The following PIEZO2 variants were observed in gnomAD, a reference collection of about 807,000 sequenced individuals.
The protein encoded by PIEZO2 is piezo type mechanosensitive ion channel component 2, also known as piezo-type mechanosensitive ion channel component 2.
PIEZO2 carries 172 observed loss-of-function variants against 337.3 expected under a neutral mutation model. The ratio of observed to expected loss-of-function variants is 0.51; its 90% CI spans 0.45 to 0.58. PIEZO2 has a LOEUF of 0.58. PIEZO2 is among the 20% of genes least tolerant of loss of function. PIEZO2 has a pLI of 0.00. For synonymous variants in PIEZO2, 1,251 were observed against 1,228.5 expected, an observed-to-expected ratio of 1.02 and a Z score of -0.38; for missense variants, 3,028 against 3,391.3, an observed-to-expected ratio of 0.89 and a Z score of 2.66.
chr18:10,769,993 C>G, intron 21 of PIEZO2, 155 bp downstream of exon 21: 1 of 754,560 alleles, frequency 1.3e-6, no homozygotes, highest in Non-Finnish European at 2.0e-6. Context: ...TGCTGCTGAC[C>G]CTCGGATTTC....
At chr18:10,702,251 A>G (rs988916834) in intron 42 of PIEZO2, 80 bp from the exon 43 acceptor site, 1 of 1,347,754 alleles carries the variant, frequency 7.4e-7, no homozygotes, top group Non-Finnish European at 9.9e-7. Flanking sequence ...GAGCAATATA[A>G]CAATTAAGAA....
Position 11,035,338 on chromosome 18 carries a change from TCTCTCTCTCATTCC to T in PIEZO2, c.160+30775_160+30788del, listed in dbSNP as rs2036893252. Among the ~76,000 whole-genome samples, 1 of 136,886 alleles carries T rather than the reference TCTCTCTCTCATTCC, an allele frequency of 7.3e-6. No individual in the cohort carries two copies. Among genetic ancestry groups the T allele is most frequent in the African/African-American group, 2.9e-5 (1 of 35,050 alleles). 89.8% of individuals were successfully genotyped at this position (136,886 alleles called of 152,430 possible). A position where few individuals can be genotyped will look rare whatever the true frequency, so the allele number is the denominator to read the frequency against. On this transcript the variant is annotated intron_variant, in intron 2 of 55. Transcript: ENST00000674853. The surrounding 1 kb of genome is among the most constrained non-coding windows in gnomAD (Gnocchi z 4.3). ...CCCTCTCTCTCTCTCTCTCTCTTTC[TCTCTCTCTCATTCC>T]CTCTCTCACCATGCAACAGGCTTGC...
intron 1 of PIEZO2, among the ~76,000 whole-genome samples, chr18:11,067,116 T>C (rs2038179786): frequency 6.6e-6 from 1 of 151,900 alleles, no homozygotes; most frequent in Non-Finnish European, 1.5e-5. Flanking sequence ...ATGAAAAAAC[T>C]GAAGTACAAA....
chr18:11,057,858 G>A (rs2037787363), intron 2 of PIEZO2, among the ~76,000 whole-genome samples: 1 of 152,208 alleles, frequency 6.6e-6, no homozygotes, highest in Admixed American at 6.5e-5. Flanking sequence ...TTCACATTTT[G>A]TCATATATCT....
chr18:11,037,457 A>G (rs560126227), intron 2 of PIEZO2, among the ~76,000 whole-genome samples: 1 of 152,342 alleles, frequency 6.6e-6, no homozygotes, highest in South Asian at 2.1e-4. Flanking sequence ...AATAAATTGG[A>G]AGAAAAATAC....
At chr18:10,785,242 C>T (rs2039177022) in intron 16 of PIEZO2, among the ~76,000 whole-genome samples, 1 of 152,096 alleles carries the variant, frequency 6.6e-6, no homozygotes, top group South Asian at 2.1e-4. Context: ...GTCTTGACAC[C>T]ATCACACTCT....
chr18:10,776,122 T>C (rs1169155250), intron 18 of PIEZO2, among the ~76,000 whole-genome samples: 1 of 152,220 alleles, frequency 6.6e-6, no homozygotes, highest in African/African-American at 2.4e-5. Context: ...TCTCTCTCTC[T>C]TTTTCTCATT....
At chr18:10,876,476 A>G (rs1465551085) in intron 4 of PIEZO2, among the ~76,000 whole-genome samples, 1 of 152,216 alleles carries the variant, frequency 6.6e-6, no homozygotes, top group African/African-American at 2.4e-5. Context: ...TGGAAACTAT[A>G]CTAATGTACA....
At chr18:11,088,134 C>T (rs1055715822) in intron 1 of PIEZO2, among the ~76,000 whole-genome samples, 2 of 152,230 alleles carry the variant, frequency 1.3e-5, no homozygotes, top group East Asian at 1.9e-4. Context: ...AGTCTTTTCC[C>T]TACCCCCACA....
intron 9 of PIEZO2, among the ~76,000 whole-genome samples, chr18:10,801,779 A>G (rs2039824345): frequency 6.6e-6 from 1 of 152,230 alleles, no homozygotes; most frequent in African/African-American, 2.4e-5. Context: ...TTCAAGAAAT[A>G]GAATTTTCAT....
At chr18:11,100,033 G>T (rs2039367421) in intron 1 of PIEZO2, among the ~76,000 whole-genome samples, 1 of 152,036 alleles carries the variant, frequency 6.6e-6, no homozygotes, top group African/African-American at 2.4e-5. Context: ...TTTATATTAA[G>T]AAAAGTAAGT....
intron 36 of PIEZO2, among the ~76,000 whole-genome samples, chr18:10,725,810 C>G (rs1211099025): frequency 6.6e-6 from 1 of 152,216 alleles, no homozygotes; most frequent in Non-Finnish European, 1.5e-5. Context: ...ACCACGCGGG[C>G]CCTCCAGGGT....
At chr18:10,730,798 C>T (rs1186475766) in intron 36 of PIEZO2, among the ~76,000 whole-genome samples, 1 of 152,150 alleles carries the variant, frequency 6.6e-6, no homozygotes, top group Non-Finnish European at 1.5e-5. Flanking sequence ...GCGATCTTGG[C>T]TCACTGCAAG....
intron 1 of PIEZO2, among the ~76,000 whole-genome samples, chr18:11,072,911 T>C (rs1292899383): frequency 6.6e-6 from 1 of 152,246 alleles, no homozygotes; most frequent in African/African-American, 2.4e-5. Flanking sequence ...TCAAGTGTGA[T>C]ATTGCCTCAG....
intron 2 of PIEZO2, among the ~76,000 whole-genome samples, chr18:11,044,066 A>G (rs2037215363): frequency 6.6e-6 from 1 of 152,004 alleles, no homozygotes; most frequent in African/African-American, 2.4e-5. Context: ...TATTCCTTTC[A>G]TGCATTTTAA....
intron 3 of PIEZO2, among the ~76,000 whole-genome samples, chr18:10,968,249 A>G: frequency 6.6e-6 from 1 of 152,166 alleles, no homozygotes. Context: ...ATCAAAGATC[A>G]GTTAGCTGTT....
intron 39 of PIEZO2, among the ~76,000 whole-genome samples, chr18:10,711,616 A>C (rs2035822869): frequency 3.1e-5 from 1 of 32,430 alleles, no homozygotes; most frequent in Non-Finnish European, 8.4e-5. Context: ...TTCAGGTAAC[A>C]AAAAAAAATC....
chr18:10,940,871 A>G lies in PIEZO2; in HGVS notation c.287-29643T>C, dbSNP rs2145247627. On this transcript the variant is annotated intron_variant, in intron 3 of 55. Transcript: ENST00000674853. The surrounding 1 kb of genome is among the most constrained non-coding windows in gnomAD (Gnocchi z 5.3). ...GCAAGGCTCCATCTCAAAAAAAAAA[A>G]AGAATTCAGTCTGAGATATATTTTC... Among the ~76,000 whole-genome samples the G allele has an allele frequency of 6.6e-6, 1 of 152,332 alleles. No homozygotes were observed. The highest frequency in any genetic ancestry group is 2.4e-5 in the African/African-American group (1 of 41,574).
intron 1 of PIEZO2, among the ~76,000 whole-genome samples, chr18:11,087,290 C>T (rs900638629): frequency 6.6e-6 from 1 of 152,124 alleles, no homozygotes; most frequent in Non-Finnish European, 1.5e-5. Flanking sequence ...GAGGCAGGAA[C>T]AGACAATGAC....
Sources: allele counts gnomAD v4.1 joint callset (sites outside exome capture counted in the v4.1 genomes callset), GRCh38; gene constraint gnomAD v4.1.1; non-coding constraint Gnocchi (gnomAD v3.1); transcripts MANE v1.5; gene names NCBI Gene and HGNC (gene_info 2026-07-23, HGNC 2026-07-21).